Variants in ROR1 observed in about 807,000 individuals in gnomAD.
The protein encoded by ROR1 is inactive tyrosine-protein kinase transmembrane receptor ROR1.
ROR1 carries 19 observed loss-of-function variants against 78.8 expected under a neutral mutation model. The ratio of observed to expected loss-of-function variants is 0.24; its 90% CI spans 0.17 to 0.35. The LOEUF (loss-of-function observed/expected upper bound fraction) is 0.35. Ranked by LOEUF, ROR1 falls within the 10% of genes least tolerant of loss-of-function variation. The pLI is 1.00. For missense variants in ROR1, 917 were observed against 1,177.8 expected (o/e 0.78, Z 3.24); for synonymous variants, 386 against 433.6 (o/e 0.89, Z 1.36).
chr1:64,085,791 G>A (rs1772617), intron 4 of ROR1, among the ~76,000 whole-genome samples: 29,380 of 151,940 alleles, frequency 0.19, 3,609 homozygotes, highest in African/African-American at 0.35. Flanking sequence ...TTTTAAGTTG[G>A]GGGAGGGCAA....
chr1:63,814,749 G>A (rs528899997), intron 1 of ROR1, among the ~76,000 whole-genome samples: 6 of 152,238 alleles, frequency 3.9e-5, no homozygotes, highest in African/African-American at 1.2e-4. Flanking sequence ...GAGCTCAGGC[G>A]GTAATGCAAG....
chr1:63,920,767 A>G (rs531004966), intron 1 of ROR1, among the ~76,000 whole-genome samples: 1 of 152,174 alleles, frequency 6.6e-6, no homozygotes, highest in Non-Finnish European at 1.5e-5. Context: ...CAGAGTGTCT[A>G]TTTCTTAAGA....
chr1:63,794,910 A>G (rs1644750734), intron 1 of ROR1, among the ~76,000 whole-genome samples: 1 of 152,164 alleles, frequency 6.6e-6, no homozygotes, highest in African/African-American at 2.4e-5. Context: ...GGTGGGGTGC[A>G]GTCGTTTGGG....
At chr1:63,815,232 T>A (rs1287326232) in intron 1 of ROR1, among the ~76,000 whole-genome samples, 2 of 151,972 alleles carry the variant, frequency 1.3e-5, no homozygotes, top group African/African-American at 2.4e-5. Flanking sequence ...TTGGTGAGAG[T>A]CTCCGAGCAA....
chr1:64,149,471 A>G (rs1010861574), intron 7 of ROR1, among the ~76,000 whole-genome samples: 11 of 151,998 alleles, frequency 7.2e-5, no homozygotes, highest in African/African-American at 2.7e-4. Flanking sequence ...AGCTCCAGGG[A>G]TATAGGAATG....
At chr1:63,985,344 G>A (rs1486595035) in intron 1 of ROR1, among the ~76,000 whole-genome samples, 2 of 152,136 alleles carry the variant, frequency 1.3e-5, no homozygotes, top group South Asian at 2.1e-4. Context: ...TTCTGCCTCA[G>A]ACATTGTTTT....
At chr1:63,787,389 T>C (rs1345950894) in intron 1 of ROR1, among the ~76,000 whole-genome samples, 1 of 152,072 alleles carries the variant, frequency 6.6e-6, no homozygotes, top group Non-Finnish European at 1.5e-5. Flanking sequence ...GCATTTTGTA[T>C]TTTGTAGTGG....
chr1:64,135,934 T>A (rs1164272012), intron 4 of ROR1, among the ~76,000 whole-genome samples: 2 of 152,146 alleles, frequency 1.3e-5, no homozygotes, highest in African/African-American at 4.8e-5. Flanking sequence ...TATCAGGTGA[T>A]TTTTCCACTT....
At chr1:64,012,161 T>C (rs1040983428) in intron 2 of ROR1, among the ~76,000 whole-genome samples, 5 of 152,182 alleles carry the variant, frequency 3.3e-5, no homozygotes, top group Admixed American at 6.5e-5. Flanking sequence ...ATTTGAAAAC[T>C]ATGGGTACTC....
intron 5 of ROR1, among the ~76,000 whole-genome samples, chr1:64,139,898 G>A (rs1419007850): frequency 6.6e-6 from 1 of 150,914 alleles, no homozygotes; most frequent in Non-Finnish European, 1.5e-5. Flanking sequence ...ATTTAATCCT[G>A]TTTTATTAAC....
chr1:63,834,556 A>G (rs1645008600), intron 1 of ROR1, among the ~76,000 whole-genome samples: 1 of 152,190 alleles, frequency 6.6e-6, no homozygotes, highest in Admixed American at 6.5e-5. Context: ...TGCTTTGACA[A>G]TTAATGTTAT....
intron 6 of ROR1, among the ~76,000 whole-genome samples, chr1:64,142,109 C>T (rs1649334513): frequency 1.3e-5 from 2 of 152,230 alleles, no homozygotes; most frequent in East Asian, 3.9e-4. Context: ...TCTGTGCCCC[C>T]AGGTCCCACC....
intron 2 of ROR1, 150 bp from the exon 3 acceptor site, chr1:64,049,541 C>A: frequency 1.4e-6 from 1 of 714,688 alleles, no homozygotes. Flanking sequence ...TGGTCTTAAT[C>A]AATGTGATTG....
chr1:64,177,350 C>G, intron 8 of ROR1, 78 bp from the exon 9 acceptor site: 1 of 1,041,930 alleles, frequency 9.6e-7, no homozygotes, highest in Non-Finnish European at 1.4e-6. Context: ...TTCTATATGC[C>G]CCGTCCCTCC....
chr1:63,778,867 C>T (rs1216715819), intron 1 of ROR1, among the ~76,000 whole-genome samples: 1 of 152,214 alleles, frequency 6.6e-6, no homozygotes, highest in Non-Finnish European at 1.5e-5. Context: ...CATGCTCTTA[C>T]CTTAGTGGCT....
At chr1:63,889,771 T>C (rs1396164821) in intron 1 of ROR1, among the ~76,000 whole-genome samples, 1 of 152,220 alleles carries the variant, frequency 6.6e-6, no homozygotes, top group East Asian at 1.9e-4. Flanking sequence ...TAAATAAGCA[T>C]TCAGGTAGTG....
Position 64,059,609 on chromosome 1 carries a change from T to A in ROR1, c.482+8893T>A, listed in dbSNP as rs1409689075. On this transcript the variant is annotated intron_variant, in intron 4 of 8. Transcript: ENST00000371079. ...CTGTAATCCCAGCTACTCAGGAGGCTGAGGCAGGAGAATATCTTGAACCTG... is the reference window on the plus strand; with the variant it reads ...CTGTAATCCCAGCTACTCAGGAGGCAGAGGCAGGAGAATATCTTGAACCTG... Among the ~76,000 whole-genome samples, 6 of 151,070 alleles carry A rather than the reference T, an allele frequency of 4.0e-5. No individual in the cohort carries two copies. The Admixed American group carries it at 4.0e-4, about 10-fold the overall frequency.
intron 1 of ROR1, among the ~76,000 whole-genome samples, chr1:63,935,967 T>C (rs532284550): frequency 1.3e-5 from 2 of 152,330 alleles, no homozygotes; most frequent in Admixed American, 1.3e-4. Context: ...ATGAAAGCTT[T>C]GGTAAAAATC....
At chr1:64,038,399 C>G (rs925283196) in intron 2 of ROR1, among the ~76,000 whole-genome samples, 2 of 152,204 alleles carry the variant, frequency 1.3e-5, no homozygotes, top group Non-Finnish European at 2.9e-5. Context: ...CTTCAACACT[C>G]AGCATCTTGA....
Sources: gnomAD v4.1 joint callset for allele counts (sites outside exome capture counted in the v4.1 genomes callset) on GRCh38, gnomAD v4.1.1 for gene constraint, MANE v1.5 for transcripts, NCBI Gene and HGNC (gene_info 2026-07-23, HGNC 2026-07-21) for gene names.